COL6A2: variants seen among roughly 807,000 people sequenced by gnomAD.
COL6A2 encodes collagen alpha-2(VI) chain.
COL6A2 carries 90 observed loss-of-function variants against 124.9 expected under a neutral mutation model. The ratio of observed to expected loss-of-function variants is 0.72; its 90% confidence interval spans 0.61 to 0.86. COL6A2 has a LOEUF of 0.86. Among genes scored for constraint, COL6A2 ranks in the 40% least tolerant of loss-of-function variants. The pLI is 0.00. For synonymous variants in COL6A2, 793 were observed against 618.2 expected (o/e 1.28, Z -4.19); for missense variants, 1,607 against 1,502.5 (o/e 1.07, Z -1.15).
chr21:46,114,222 C>G (rs578048844), intron 5 of COL6A2, 149 bp downstream of exon 5: 17 of 699,844 alleles, frequency 2.4e-5, no homozygotes, highest in Middle Eastern at 3.1e-4. Context: ...GTCAGGAGAT[C>G]GAGACCATCC....
rs142479704 is a variant in COL6A2, at chr21:46,132,408, C to A, written c.2916C>A (p.Thr972=). 1.9e-6 allele frequency: 3 copies of A among 1,608,192 alleles called. No individual in the cohort carries two copies. The highest frequency in any genetic ancestry group is 2.7e-5 in the African/African-American group (2 of 74,882). ...HSMRKQNVVP[T]VLALGSDVDM... ...TGCGCAAGCAGAACGTGGTACCCAC[C>A]GTGCTGGCCTTGGGCAGCGACGTGG... The change falls in exon 28 of 28, where the codon ACC becomes ACA. Residue 972 remains threonine, a synonymous_variant. Coordinates refer to ENST00000300527, the MANE Select transcript of COL6A2 (RefSeq NM_001849.4).
intron 27 of COL6A2, among the ~76,000 whole-genome samples, chr21:46,127,734 C>G (rs936425890): frequency 2.0e-5 from 3 of 151,862 alleles, no homozygotes; most frequent in Non-Finnish European, 4.4e-5. Flanking sequence ...GGTGGGGGGC[C>G]TTCCTCTCCA....
At position 46,111,329 on chromosome 21, in the gene COL6A2, C is replaced by T. The variant is rs2078395253; in HGVS notation, c.-27-121C>T. 6.3e-6 allele frequency: 4 copies of T among 630,270 alleles called. No individual in the cohort carries two copies. The South Asian group carries it at 7.1e-5, about 11-fold the overall frequency. 39.0% of individuals were successfully genotyped at this position (630,270 alleles called of 1,614,324 possible). On this transcript the variant is annotated intron_variant, in intron 1 of 27. Coordinates refer to ENST00000300527, the MANE Select transcript of COL6A2 (RefSeq NM_001849.4). ...TGTGTGCTGGGCGCAGACCCCGCTT[C>T]CTTGAAGACTGAGGGCAGTGCCCCC...
chr21:46,120,355 G>C (rs1023838245), intron 15 of COL6A2, among the ~76,000 whole-genome samples, 160 bp from the exon 16 acceptor site: 1 of 152,142 alleles, frequency 6.6e-6, no homozygotes, highest in Admixed American at 6.5e-5. Flanking sequence ...CCGGGAAGGA[G>C]CTATGGGTGA....
chr21:46,119,507 A>C (rs771064376), intron 14 of COL6A2, among the ~76,000 whole-genome samples: 3 of 151,992 alleles, frequency 2.0e-5, no homozygotes, highest in Non-Finnish European at 2.9e-5. Flanking sequence ...ATCACCTAAA[A>C]CGCCACTCAC....
chr21:46,130,127 G>A (rs950025352), intron 27 of COL6A2, among the ~76,000 whole-genome samples: 10 of 152,202 alleles, frequency 6.6e-5, no homozygotes, highest in Non-Finnish European at 1.5e-4. Flanking sequence ...GGGGGAAGCT[G>A]GCAGTCCTGG....
Position 46,125,767 on chromosome 21 carries a change from C to CA in COL6A2, c.1970-17dup. The CA allele has an allele frequency of 6.2e-7, 1 of 1,610,086 alleles. No homozygotes were observed. Among genetic ancestry groups the CA allele is most frequent in the South Asian group, 1.1e-5 (1 of 90,996 alleles). ...ACCCCGAGGCCTCTGGCAACGACCT[C>CA]ACGCGTGCGGCTTGCAGGGACGCGT... On this transcript the variant is annotated splice_polypyrimidine_tract_variant and intron_variant, in intron 25 of 27. Transcript: ENST00000300527.
At chr21:46,110,642 T>G (rs1218890020) in intron 1 of COL6A2, among the ~76,000 whole-genome samples, 3 of 152,056 alleles carry the variant, frequency 2.0e-5, no homozygotes, top group Non-Finnish European at 4.4e-5. Flanking sequence ...GCTTGGACAC[T>G]CCTCCCATCT....
intron 3 of COL6A2, 111 bp from the exon 4 acceptor site, chr21:46,112,693 C>A: frequency 6.3e-7 from 1 of 1,596,532 alleles, no homozygotes; most frequent in Non-Finnish European, 8.6e-7. Context: ...GAGGAAGCTC[C>A]GGGCAGGGCC....
At chr21:46,129,882 CCTTA>C in intron 27 of COL6A2, 13 of 1,018,828 alleles carry the variant, frequency 1.3e-5, no homozygotes, top group Non-Finnish European at 1.5e-5. Context: ...CTTTGGAGGC[CCTTA>C]CTTAGCGGCC....
At chr21:46,128,229 C>G (rs1000213329) in intron 27 of COL6A2, among the ~76,000 whole-genome samples, 5 of 152,198 alleles carry the variant, frequency 3.3e-5, no homozygotes, top group African/African-American at 1.2e-4. Context: ...GCTCTGGCCT[C>G]TTCTGAGGCC....
At position 46,121,074 on chromosome 21, in the gene COL6A2, TGCCTGGACCCAGAG is replaced by T. The variant is rs1240158997; in HGVS notation, c.1413_1426del (p.Gly472ProfsTer18). 1 of 1,612,790 alleles carries T rather than the reference TGCCTGGACCCAGAG, an allele frequency of 6.2e-7. No homozygotes were observed. Among genetic ancestry groups the T allele is most frequent in the Admixed American group, 1.7e-5 (1 of 60,010 alleles). On this transcript the variant is annotated frameshift_variant, in exon 17 of 28. Coordinates refer to ENST00000300527, the MANE Select transcript of COL6A2 (RefSeq NM_001849.4). LOFTEE classifies it high-confidence loss of function. ...CCTTTCTTCCAGGGAGACCGAGGCT[TGCCTGGACCCAGAG>T]GCCCCCAGGGAGCTCTTGGGGAGCC...
chr21:46,120,125 C>CCGCTCACACCCCCGG (rs2078538853), intron 15 of COL6A2, among the ~76,000 whole-genome samples: 2 of 81,370 alleles, frequency 2.5e-5, no homozygotes, highest in Non-Finnish European at 4.9e-5. Flanking sequence ...ACCCCCCGGC[C>CCGCTCACACCCCCGG]CCCACTGAGG....
chr21:46,110,940 GA>G (rs1247392126), intron 1 of COL6A2, among the ~76,000 whole-genome samples: 1 of 152,216 alleles, frequency 6.6e-6, no homozygotes, highest in African/African-American at 2.4e-5. Flanking sequence ...CCCTACACTT[GA>G]CAGAGTCCTC....
chr21:46,117,388 CT>C lies in COL6A2; in HGVS notation c.1000-10del, dbSNP rs745417701. 8 of 1,612,508 alleles carry C rather than the reference CT, an allele frequency of 5.0e-6. No individual in the cohort carries two copies. The South Asian group carries it at 8.8e-5, about 18-fold the overall frequency. Reference sequence around the variant, plus strand: ...CCCGCCCTGAGACTCCTCCTGCCCCCTTCTCCTTCAGGGCAAGCTGGGGCGC... The same window carrying C: ...CCCGCCCTGAGACTCCTCCTGCCCCCTCTCCTTCAGGGCAAGCTGGGGCGC... On this transcript the variant is annotated splice_polypyrimidine_tract_variant and intron_variant, in intron 10 of 27. Coordinates refer to ENST00000300527, the MANE Select transcript of COL6A2 (RefSeq NM_001849.4).
At chr21:46,122,034 C>T (rs112821545) in intron 18 of COL6A2, 74 bp from the exon 19 acceptor site, 33 of 1,496,558 alleles carry the variant, frequency 2.2e-5, no homozygotes, top group African/African-American at 4.1e-5. Flanking sequence ...GTGCACCTTG[C>T]GCCCTGTTGA....
chr21:46,104,881 C>T (rs1489947027), intron 1 of COL6A2, among the ~76,000 whole-genome samples: 1 of 152,198 alleles, frequency 6.6e-6, no homozygotes, highest in Non-Finnish European at 1.5e-5. Context: ...CCAATATATC[C>T]AAAGTGCTAA....
intron 1 of COL6A2, among the ~76,000 whole-genome samples, chr21:46,102,658 TGA>T (rs2078299505): frequency 6.6e-6 from 1 of 152,150 alleles, no homozygotes; most frequent in African/African-American, 2.4e-5. Context: ...TGATCATGTG[TGA>T]GTTTTTTTTC....
intron 21 of COL6A2, among the ~76,000 whole-genome samples, chr21:46,123,446 G>A (rs564176251): frequency 6.6e-6 from 1 of 152,110 alleles, no homozygotes; most frequent in Non-Finnish European, 1.5e-5. Context: ...CCTGGCCAAG[G>A]GTTTAACCAG....
Sources: gnomAD v4.1 joint callset for allele counts (sites outside exome capture counted in the v4.1 genomes callset) on GRCh38, gnomAD v4.1.1 for gene constraint, MANE v1.5 for transcripts, NCBI Gene and HGNC (gene_info 2026-07-23, HGNC 2026-07-21) for gene names.